DNAJC11: variants seen among roughly 807,000 people sequenced by gnomAD.
DNAJC11 encodes the protein dnaJ homolog subfamily C member 11.
A neutral mutation model predicts 78.6 loss-of-function variants in DNAJC11; 15 were observed. The ratio of observed to expected loss-of-function variants is 0.19; its 90% confidence interval spans 0.13 to 0.29. The LOEUF is 0.29. Among genes scored for constraint, DNAJC11 ranks in the 10% least tolerant of loss-of-function variants. DNAJC11 has a pLI of 1.00. For synonymous variants in DNAJC11, 292 were observed against 272.1 expected, an observed-to-expected ratio of 1.07 and a Z score of -0.72; for missense variants, 547 against 709.6, an observed-to-expected ratio of 0.77 and a Z score of 2.60.
chr1:6,657,669 G>C (rs549503820), intron 4 of DNAJC11, among the ~76,000 whole-genome samples: 4 of 152,344 alleles, frequency 2.6e-5, no homozygotes, highest in East Asian at 1.9e-4. Context: ...TTTTGAGATG[G>C]AGTCTTGCTC....
Position 6,667,718 on chromosome 1 carries a change from G to T in DNAJC11, c.369C>A (p.Thr123=). The change falls in exon 4 of 16, where the codon ACC becomes ACA. Residue 123 remains threonine, a synonymous_variant. Coordinates refer to ENST00000377577, the MANE Select transcript of DNAJC11 (RefSeq NM_018198.4). ...GTGGCCCCTGGCTTACCTTGGGATT[G>T]GTTCGCTGCTGCAATCTCCTCTCTT... is the stretch of plus-strand genomic sequence containing the variant. ...EREERRLQQR[T]NPKGTISVGV... 1 of 1,614,066 alleles carries T rather than the reference G, an allele frequency of 6.2e-7. No individual in the cohort carries two copies. Among genetic ancestry groups the T allele is most frequent in the Non-Finnish European group, 8.5e-7 (1 of 1,180,008 alleles).
At chr1:6,671,617 C>T (rs1332453989) in intron 3 of DNAJC11, among the ~76,000 whole-genome samples, 6 of 150,970 alleles carry the variant, frequency 4.0e-5, no homozygotes, top group Admixed American at 4.0e-4. Flanking sequence ...CTGCAAGCTC[C>T]GCCTCATGGG....
chr1:6,658,898 A>C (rs201173), intron 4 of DNAJC11, among the ~76,000 whole-genome samples: 134,311 of 152,220 alleles, frequency 0.88, 59,568 homozygotes, highest in Admixed American at 0.94. Flanking sequence ...CCAAGTTAAT[A>C]CAGCCCAGAT....
intron 10 of DNAJC11, among the ~76,000 whole-genome samples, chr1:6,641,390 A>AAT (rs1218697111): frequency 1.0e-4 from 13 of 127,162 alleles, no homozygotes; most frequent in East Asian, 6.2e-4. Context: ...AAAAAAAAAA[A>AAT]ATATATATAT....
At chr1:6,671,863 C>G (rs561071889) in intron 3 of DNAJC11, among the ~76,000 whole-genome samples, 26 of 152,036 alleles carry the variant, frequency 1.7e-4, no homozygotes, top group Non-Finnish European at 2.6e-4. Flanking sequence ...GAGACAGAGT[C>G]TTGCTTTGTC....
intron 4 of DNAJC11, among the ~76,000 whole-genome samples, chr1:6,661,670 C>T (rs890351740): frequency 6.6e-6 from 1 of 152,088 alleles, no homozygotes; most frequent in African/African-American, 2.4e-5. Flanking sequence ...GGTAAATTGC[C>T]CCTTCCTGCC....
In DNAJC11 at chr1:6,634,609, C is replaced by A. The variant is rs1031989405; in HGVS notation, c.*1066G>T. 27 of 1,366,330 alleles carry A rather than the reference C, an allele frequency of 2.0e-5. No homozygotes were observed. Among genetic ancestry groups the A allele is most frequent in the Non-Finnish European group, 2.6e-5 (27 of 1,021,816 alleles). The allele number at this position is 1,366,330 out of a possible 1,614,324, so 84.6% of individuals were successfully genotyped here. On this transcript the variant is annotated 3_prime_UTR_variant, in exon 16 of 16. Coordinates refer to ENST00000377577, the MANE Select transcript of DNAJC11 (RefSeq NM_018198.4). The stretch of plus-strand genomic sequence containing the variant: ...CCACTTCCAGGCCCCGAGAGACAGG[C>A]CTCACGTAACTTTACTGCAGCCGAG...
At chr1:6,669,724 G>A (rs1642348859) in intron 3 of DNAJC11, among the ~76,000 whole-genome samples, 1 of 151,946 alleles carries the variant, frequency 6.6e-6, no homozygotes, top group South Asian at 2.1e-4. Flanking sequence ...GTGAAATTGT[G>A]TGCACCGGTG....
chr1:6,653,665 C>T lies in DNAJC11; in HGVS notation c.507+246G>A, dbSNP rs1642087533. 1 of 388,640 alleles carries T rather than the reference C, an allele frequency of 2.6e-6. No homozygotes were observed. Among genetic ancestry groups the T allele is most frequent in the South Asian group, 2.5e-5 (1 of 40,688 alleles). The allele number at this position is 388,640 out of a possible 1,614,324, so 24.1% of individuals were successfully genotyped here. ...ACTTCTCCCAGACCATTAACACCCT[C>T]TGCTGGAAAGGCCCAAGACCTTGGG... is the stretch of plus-strand genomic sequence containing the variant. On this transcript the variant is annotated intron_variant, in intron 5 of 15. Coordinates refer to ENST00000377577, the MANE Select transcript of DNAJC11 (RefSeq NM_018198.4). This position sits in a 1 kb window ranked among gnomAD's most constrained non-coding sequence, Gnocchi z 4.5.
At chr1:6,688,622 C>T (rs1216484262) in intron 1 of DNAJC11, among the ~76,000 whole-genome samples, 1 of 152,032 alleles carries the variant, frequency 6.6e-6, no homozygotes, top group Non-Finnish European at 1.5e-5. Flanking sequence ...ATTAATGAGG[C>T]AGAAAGAAGT....
At chr1:6,638,201 G>T in intron 12 of DNAJC11, 94 bp downstream of exon 12, 1 of 1,266,514 alleles carries the variant, frequency 7.9e-7, no homozygotes. Flanking sequence ...TGTTGGAGAA[G>T]AGAAGTCTGA....
intron 7 of DNAJC11, 116 bp from the exon 8 acceptor site, chr1:6,646,094 C>G (rs1403123712): frequency 9.8e-7 from 1 of 1,015,612 alleles, no homozygotes; most frequent in Admixed American, 2.4e-5. Flanking sequence ...CATCCCTGGG[C>G]CAGCTCCCAG....
rs563062242 is a variant in DNAJC11, at chr1:6,682,884, C to T, written c.73-1847G>A. 8.5e-5 allele frequency among the ~76,000 whole-genome samples: 13 copies of T among 152,222 alleles called. 1 individual carries two copies. In the South Asian group the frequency reaches 2.7e-3, roughly 32 times the overall value. ...AGGTTGCAGTGAGCTATGACTGCAC[C>T]ACTGCACTCCAGCCTGGGTGACAGA... On this transcript the variant is annotated intron_variant, in intron 1 of 15. Coordinates refer to ENST00000377577, the MANE Select transcript of DNAJC11 (RefSeq NM_018198.4).
At chr1:6,638,575 T>A (rs997354681) in intron 11 of DNAJC11, among the ~76,000 whole-genome samples, 2 of 152,244 alleles carry the variant, frequency 1.3e-5, no homozygotes, top group African/African-American at 4.8e-5. Flanking sequence ...TAGATGGCTC[T>A]GCCCCACCTC....
At chr1:6,695,453 G>A (rs1642819225) in intron 1 of DNAJC11, among the ~76,000 whole-genome samples, 1 of 151,910 alleles carries the variant, frequency 6.6e-6, no homozygotes, top group African/African-American at 2.4e-5. Context: ...CTGGCCTACA[G>A]TAAGTGCTTA....
chr1:6,645,680 TTA>T lies in DNAJC11; in HGVS notation c.894+107_894+108del. On this transcript the variant is annotated intron_variant, in intron 8 of 15. Coordinates refer to ENST00000377577, the MANE Select transcript of DNAJC11 (RefSeq NM_018198.4). This position sits in a 1 kb window ranked among gnomAD's most constrained non-coding sequence, Gnocchi z 4.1. The stretch of plus-strand genomic sequence containing the variant: ...CTGCCCCTCAGGGCCCTGTATGGGC[TTA>T]GACTTAGTGGTGATCAGGACGCAGG... 7.6e-7 allele frequency: 1 copy of T among 1,308,644 alleles called. No homozygotes were observed. Among genetic ancestry groups the T allele is most frequent in the Non-Finnish European group, 1.1e-6 (1 of 933,000 alleles). The allele number at this position is 1,308,644 out of a possible 1,614,324, so 81.1% of individuals were successfully genotyped here.
intron 4 of DNAJC11, among the ~76,000 whole-genome samples, chr1:6,657,072 G>A (rs1642137682): frequency 6.6e-6 from 1 of 152,084 alleles, no homozygotes; most frequent in Admixed American, 6.6e-5. Flanking sequence ...ATGCCTGCGG[G>A]TACTCACACC....
Position 6,651,605 on chromosome 1 carries a change from G to A in DNAJC11, c.631-3C>T. On this transcript the variant is annotated splice_region_variant and splice_polypyrimidine_tract_variant and intron_variant, in intron 6 of 15. Transcript: ENST00000377577. ...AGGTCTCCAGCTCCAAATTCCAACT[G>A]TTTGAAAAGGAAAAAGAGAAGGCAT... 6.2e-7 allele frequency: 1 copy of A among 1,613,420 alleles called. No individual in the cohort carries two copies. Among genetic ancestry groups the A allele is most frequent in the Non-Finnish European group, 8.5e-7 (1 of 1,179,504 alleles).
intron 11 of DNAJC11, among the ~76,000 whole-genome samples, chr1:6,639,611 C>T (rs1480088256): frequency 6.6e-6 from 1 of 152,148 alleles, no homozygotes; most frequent in Non-Finnish European, 1.5e-5. Flanking sequence ...GGAATACAGG[C>T]GTGAGCCACC....
Sources: allele counts gnomAD v4.1 joint callset (sites outside exome capture counted in the v4.1 genomes callset), GRCh38; gene constraint gnomAD v4.1.1; non-coding constraint Gnocchi (gnomAD v3.1); transcripts MANE v1.5; gene names NCBI Gene and HGNC (gene_info 2026-07-23, HGNC 2026-07-21).